The following PCDHGA1 variants were observed in gnomAD, a reference collection of about 807,000 sequenced individuals.
PCDHGA1 encodes the protein protocadherin gamma-A1.
PCDHGA1 carries 32 observed loss-of-function variants against 58.0 expected under a neutral mutation model. That is an observed-to-expected ratio of 0.55 (90% CI 0.42 to 0.74). PCDHGA1 has a LOEUF of 0.74. Ranked by LOEUF, PCDHGA1 falls within the 30% of genes least tolerant of loss-of-function variation. PCDHGA1 has a pLI of 0.00. For missense variants in PCDHGA1, 1,205 were observed against 1,182.3 expected, an observed-to-expected ratio of 1.02 and a Z score of -0.28; for synonymous variants, 498 against 501.1, an observed-to-expected ratio of 0.99 and a Z score of 0.08.
At chr5:141,403,525 C>T (rs1427557410) in intron 1 of PCDHGA1, 1 of 1,614,002 alleles carries the variant, frequency 6.2e-7, no homozygotes, top group South Asian at 1.1e-5. Flanking sequence ...GAGCCATAAA[C>T]CCAGAGCTGG....
intron 1 of PCDHGA1, among the ~76,000 whole-genome samples, chr5:141,492,108 C>T (rs1331001233): frequency 2.6e-5 from 4 of 152,232 alleles, no homozygotes; most frequent in African/African-American, 9.6e-5. Flanking sequence ...TAGATTTCCT[C>T]TTCGATTTCT....
At chr5:141,358,540 G>T (rs191289773) in intron 1 of PCDHGA1, among the ~76,000 whole-genome samples, 576 of 152,270 alleles carry the variant, frequency 3.8e-3, no homozygotes, top group Non-Finnish European at 5.7e-3. Flanking sequence ...ATATTTTCTT[G>T]TTGCTGTTCT....
chr5:141,362,973 G>C (rs1762750308), intron 1 of PCDHGA1, among the ~76,000 whole-genome samples: 1 of 152,216 alleles, frequency 6.6e-6, no homozygotes, highest in Non-Finnish European at 1.5e-5. Flanking sequence ...AAAGAAGAAA[G>C]ACTTTTGCAT....
rs751607322 is a variant in PCDHGA1 at position 141,345,491 on chromosome 5, C to T, written c.2421+12386C>T. 5.0e-6 allele frequency: 8 copies of T among 1,614,060 alleles called. No homozygotes were observed. The Admixed American group carries it at 1.0e-4, about 20-fold the overall frequency. ...ACCCAGATAGCAACAACAACGCCCG[C>T]ATCACTTATGCATTGACCGAGGACA... is the stretch of plus-strand genomic sequence containing the variant. On this transcript the variant is annotated intron_variant, in intron 1 of 3. Coordinates refer to ENST00000517417, the MANE Select transcript of PCDHGA1 (RefSeq NM_018912.3).
intron 1 of PCDHGA1, chr5:141,374,617 C>T: frequency 1.2e-6 from 2 of 1,613,518 alleles, no homozygotes; most frequent in South Asian, 1.1e-5. Flanking sequence ...ATAGTCACTT[C>T]TCAGTGGACG....
chr5:141,391,872 CTT>C (rs1248262671), intron 1 of PCDHGA1: 1 of 152,168 alleles, frequency 6.6e-6, no homozygotes, highest in East Asian at 1.9e-4. Context: ...TTAATCATCT[CTT>C]TGGTGAAAGG....
At chr5:141,407,175 C>T (rs752092856) in intron 1 of PCDHGA1, among the ~76,000 whole-genome samples, 39 of 152,166 alleles carry the variant, frequency 2.6e-4, no homozygotes, top group Non-Finnish European at 5.4e-4. Flanking sequence ...TTATGACATA[C>T]AGACATTTTA....
intron 1 of PCDHGA1, chr5:141,370,545 G>T (rs768607566): frequency 6.2e-7 from 1 of 1,613,866 alleles, no homozygotes; most frequent in Non-Finnish European, 8.5e-7. Flanking sequence ...AGGGAACCTC[G>T]CCAAGGACCT....
intron 3 of PCDHGA1, among the ~76,000 whole-genome samples, chr5:141,508,837 A>C (rs1596180024): frequency 6.7e-6 from 1 of 149,276 alleles, no homozygotes; most frequent in Non-Finnish European, 1.5e-5. Context: ...CCCCTCCCCT[A>C]CCCCTTCCAT....
Position 141,444,149 on chromosome 5 carries a change from T to C in PCDHGA1, c.2422-50658T>C, listed in dbSNP as rs180678850. On this transcript the variant is annotated intron_variant, in intron 1 of 3. Transcript: ENST00000517417. ...ACAGATATGTGTCACTTGTGTGTAC[T>C]GGATTTTTTTTTTTTTTTTTTTTTT... Among the ~76,000 whole-genome samples, 383 of 136,820 alleles carry C rather than the reference T, an allele frequency of 2.8e-3. 2 individuals carry two copies. Among genetic ancestry groups the C allele is most frequent in the Middle Eastern group, 0.012 (3 of 252 alleles). 89.8% of individuals were successfully genotyped at this position (136,820 alleles called of 152,430 possible). A position where few individuals can be genotyped will look rare whatever the true frequency, so the allele number is the denominator to read the frequency against.
chr5:141,504,680 A>G (rs912248504), intron 2 of PCDHGA1, among the ~76,000 whole-genome samples: 1 of 150,294 alleles, frequency 6.7e-6, no homozygotes, highest in Non-Finnish European at 1.5e-5. Flanking sequence ...GGGTTCTTGT[A>G]AAATAGGAGG....
At chr5:141,429,489 A>G (rs2097218567) in intron 1 of PCDHGA1, among the ~76,000 whole-genome samples, 1 of 152,062 alleles carries the variant, frequency 6.6e-6, no homozygotes, top group South Asian at 2.1e-4. Context: ...AGCTGAGACT[A>G]CAGTTGCCTG....
chr5:141,330,938 T>C lies in PCDHGA1; in HGVS notation c.254T>C (p.Ile85Thr), dbSNP rs778957313. The C allele has an allele frequency of 1.2e-6, 2 of 1,614,172 alleles. No individual in the cohort carries two copies. The highest frequency in any genetic ancestry group is 3.3e-5 in the Admixed American group (2 of 60,026). The change falls in exon 1 of 4, where the codon ATC becomes ACC. Residue 85 changes from isoleucine to threonine, a missense_variant. Coordinates refer to ENST00000517417, the MANE Select transcript of PCDHGA1 (RefSeq NM_018912.3). ...FALNPRSGSL[I>T]TARRIDREEL... ...CTGAATCCTAGAAGTGGCAGCTTGA[T>C]CACCGCGCGCAGGATAGACCGGGAG...
chr5:141,384,941 C>A lies in PCDHGA1; in HGVS notation c.2421+51836C>A, dbSNP rs748067928. Reference sequence around the variant, plus strand: ...GCCGACCTGGGCAGCCTTGAGCCCTCCGACGGTCCTTACAACTATGACCTC... The same window carrying A: ...GCCGACCTGGGCAGCCTTGAGCCCTACGACGGTCCTTACAACTATGACCTC... On this transcript the variant is annotated intron_variant, in intron 1 of 3. Transcript: ENST00000517417. 2.5e-6 allele frequency: 4 copies of A among 1,614,104 alleles called. No homozygotes were observed. The highest frequency in any genetic ancestry group is 3.4e-6 in the Non-Finnish European group (4 of 1,180,022).
intron 1 of PCDHGA1, chr5:141,372,696 C>T: frequency 6.2e-7 from 1 of 1,613,994 alleles, no homozygotes; most frequent in Non-Finnish European, 8.5e-7. Context: ...GTTTAAATTT[C>T]TCAATATAAA....
At chr5:141,393,021 G>A (rs758868753) in intron 1 of PCDHGA1, 1 of 1,613,850 alleles carries the variant, frequency 6.2e-7, no homozygotes, top group Non-Finnish European at 8.5e-7. Context: ...CGTCTCCAGA[G>A]GTAGGACGCA....
intron 1 of PCDHGA1, chr5:141,383,029 T>G: frequency 6.2e-7 from 1 of 1,613,808 alleles, no homozygotes; most frequent in Non-Finnish European, 8.5e-7. Flanking sequence ...CAAAGGGTCC[T>G]TTGTGGGAGA....
chr5:141,378,051 T>C (rs539609296), intron 1 of PCDHGA1: 1 of 152,310 alleles, frequency 6.6e-6, no homozygotes, highest in East Asian at 1.9e-4. Flanking sequence ...TCCTTATCTA[T>C]CTGACTCAAA....
chr5:141,372,906 C>A, intron 1 of PCDHGA1: 1 of 1,079,660 alleles, frequency 9.3e-7, no homozygotes, highest in Non-Finnish European at 1.3e-6. Context: ...TCCCTGATTA[C>A]ATTATTTTAT....
Sources: allele counts gnomAD v4.1 joint callset (sites outside exome capture counted in the v4.1 genomes callset), GRCh38; gene constraint gnomAD v4.1.1; transcripts MANE v1.5; gene names NCBI Gene and HGNC (gene_info 2026-07-23, HGNC 2026-07-21).